The following ADGRB3 variants were observed in gnomAD, a reference collection of about 807,000 sequenced individuals.
The protein encoded by ADGRB3 is adhesion G protein-coupled receptor B3.
In ADGRB3, 37 loss-of-function variants were observed where a neutral mutation model predicts 193.4. The observed-to-expected ratio is 0.19, with a 90% confidence interval of 0.15 to 0.25. The LOEUF (loss-of-function observed/expected upper bound fraction) is 0.25, where lower values mean the gene tolerates loss of function less well. ADGRB3 is among the 10% of genes least tolerant of loss of function. The pLI is 1.00. For synonymous variants in ADGRB3, 690 were observed against 644.2 expected (o/e 1.07, Z -1.08); for missense variants, 1,637 against 1,852.9 (o/e 0.88, Z 2.14).
At chr6:68,661,711 TG>T (rs1768666023) in intron 3 of ADGRB3, among the ~76,000 whole-genome samples, 1 of 150,146 alleles carries the variant, frequency 6.7e-6, no homozygotes, top group South Asian at 2.1e-4. Flanking sequence ...CTAATGGTAG[TG>T]GGGGAACTTC....
chr6:68,998,091 C>G (rs1430833439), intron 11 of ADGRB3, among the ~76,000 whole-genome samples: 1 of 152,116 alleles, frequency 6.6e-6, no homozygotes, highest in Non-Finnish European at 1.5e-5. Flanking sequence ...GTACAATATT[C>G]TTCTTTCATT....
chr6:69,221,152 A>G (rs151109594), intron 17 of ADGRB3, among the ~76,000 whole-genome samples: 1 of 152,236 alleles, frequency 6.6e-6, no homozygotes, highest in Non-Finnish European at 1.5e-5. Flanking sequence ...AAAATTTCCT[A>G]TTCTTTAAAT....
chr6:68,661,520 C>CGT (rs1554167095), intron 3 of ADGRB3, among the ~76,000 whole-genome samples: 1 of 82,846 alleles, frequency 1.2e-5, no homozygotes, highest in Non-Finnish European at 2.5e-5. Context: ...TGTGTGTATA[C>CGT]ATATATATAT....
At chr6:69,218,044 T>G (rs1451131563) in intron 17 of ADGRB3, among the ~76,000 whole-genome samples, 2 of 140,602 alleles carry the variant, frequency 1.4e-5, no homozygotes, top group Non-Finnish European at 3.0e-5. Context: ...CTGGTGAACA[T>G]GTAAAAGCCT....
chr6:68,821,810 A>G (rs1167411769), intron 3 of ADGRB3, among the ~76,000 whole-genome samples: 1 of 151,948 alleles, frequency 6.6e-6, no homozygotes, highest in African/African-American at 2.4e-5. Flanking sequence ...TTAAGAAATA[A>G]AAGGATTTAG....
intron 3 of ADGRB3, among the ~76,000 whole-genome samples, chr6:68,677,666 C>T (rs1222870258): frequency 1.3e-5 from 2 of 151,734 alleles, no homozygotes; most frequent in African/African-American, 4.8e-5. Context: ...GACAGACGCG[C>T]ACCAACACAC....
At chr6:68,919,467 T>C (rs925119095) in intron 3 of ADGRB3, among the ~76,000 whole-genome samples, 2 of 151,544 alleles carry the variant, frequency 1.3e-5, no homozygotes, top group Non-Finnish European at 2.9e-5. Flanking sequence ...CCGATGAGAG[T>C]GAGAGGGTGA....
chr6:68,856,373 G>T (rs1764986837), intron 3 of ADGRB3, among the ~76,000 whole-genome samples: 1 of 152,150 alleles, frequency 6.6e-6, no homozygotes, highest in Admixed American at 6.5e-5. Flanking sequence ...GGAAAGTTTG[G>T]AACTCCCTAG....
rs147249770 is a variant in ADGRB3 at position 68,958,692 on chromosome 6, T to C, written c.1525+1883T>C. ...TCACATAAAACTAAAAAAAAAATTA[T>C]ATACACTACACATTTTTGTTATTAT... On this transcript the variant is annotated intron_variant, in intron 8 of 31. Transcript: ENST00000370598. Among the ~76,000 whole-genome samples, 103 of 152,256 alleles carry C rather than the reference T, an allele frequency of 6.8e-4. 1 individual carries two copies. The highest frequency in any genetic ancestry group is 2.3e-3 in the African/African-American group (96 of 41,554).
chr6:69,083,499 G>A (rs1199752521), intron 17 of ADGRB3, among the ~76,000 whole-genome samples: 1 of 152,136 alleles, frequency 6.6e-6, no homozygotes, highest in African/African-American at 2.4e-5. Context: ...AGACTTAGAT[G>A]TGGGAGGGGC....
chr6:68,979,317 A>G (rs2150267751), intron 10 of ADGRB3, among the ~76,000 whole-genome samples: 1 of 151,614 alleles, frequency 6.6e-6, no homozygotes, highest in African/African-American at 2.4e-5. Flanking sequence ...AGGAACAAGT[A>G]TAAGCCTTCA....
intron 3 of ADGRB3, among the ~76,000 whole-genome samples, chr6:68,723,407 T>C (rs932256936): frequency 6.6e-6 from 1 of 151,722 alleles, no homozygotes; most frequent in Non-Finnish European, 1.5e-5. Flanking sequence ...ATGACTTCTG[T>C]CTTACCTGGT....
At chr6:68,824,391 T>C (rs1007518738) in intron 3 of ADGRB3, among the ~76,000 whole-genome samples, 2 of 150,768 alleles carry the variant, frequency 1.3e-5, no homozygotes, top group Non-Finnish European at 1.5e-5. Context: ...TTTACTAAGG[T>C]ATAATTTACA....
chr6:68,772,897 ATATATATATATATATATATAT>A (rs1766662955), intron 3 of ADGRB3, among the ~76,000 whole-genome samples: 1 of 12,352 alleles, frequency 8.1e-5, no homozygotes, highest in Non-Finnish European at 1.3e-4. Flanking sequence ...AAAAAAAAAT[ATATATATATATATATATATAT>A]ATATATATAT....
chr6:69,338,982 A>G lies in ADGRB3; in HGVS notation c.3255A>G (p.Thr1085=), dbSNP rs1241931752. The change falls in exon 25 of 32, where the codon ACA becomes ACG. Residue 1085 remains threonine (T), a synonymous_variant. Transcript: ENST00000370598. ...CCAAGTGTGGAGTAGTTTCAACAAC[A>G]GCTTTGTCAGCCACCACCGCCAGTA... ...KCAKCGVVST[T]ALSATTASNA... is the part of the protein sequence containing the mutation. 5 of 1,613,782 alleles carry G rather than the reference A, an allele frequency of 3.1e-6. No individual in the cohort carries two copies. Among genetic ancestry groups the G allele is most frequent in the Non-Finnish European group, 4.2e-6 (5 of 1,179,868 alleles).
intron 13 of ADGRB3, among the ~76,000 whole-genome samples, chr6:69,038,072 A>G (rs1023718388): frequency 2.6e-5 from 4 of 152,144 alleles, no homozygotes; most frequent in Non-Finnish European, 5.9e-5. Context: ...GGCTCAATAG[A>G]GGTTTGTTGG....
At chr6:68,827,484 G>C (rs1767867019) in intron 3 of ADGRB3, among the ~76,000 whole-genome samples, 1 of 151,970 alleles carries the variant, frequency 6.6e-6, no homozygotes, top group African/African-American at 2.4e-5. Flanking sequence ...TTTGTAGAGG[G>C]AAAAATCTGA....
intron 3 of ADGRB3, among the ~76,000 whole-genome samples, chr6:68,772,333 T>C (rs959949652): frequency 1.3e-5 from 2 of 152,046 alleles, no homozygotes; most frequent in African/African-American, 4.8e-5. Context: ...AGAAGATGGA[T>C]GGATAAGTAG....
intron 3 of ADGRB3, among the ~76,000 whole-genome samples, chr6:68,847,795 G>C (rs1043649313): frequency 6.6e-6 from 1 of 152,000 alleles, no homozygotes; most frequent in African/African-American, 2.4e-5. Flanking sequence ...GTCGGGGAAA[G>C]AAGAGGAAAA....
Sources: gnomAD v4.1 joint callset for allele counts (sites outside exome capture counted in the v4.1 genomes callset) on GRCh38, gnomAD v4.1.1 for gene constraint, MANE v1.5 for transcripts, NCBI Gene and HGNC (gene_info 2026-07-23, HGNC 2026-07-21) for gene names.